SH3D19: variants seen among roughly 807,000 people sequenced by gnomAD.
SH3D19 encodes the protein SH3 domain-containing protein 19.
In SH3D19, 58 loss-of-function variants were observed where a neutral mutation model predicts 112.1. That is an observed-to-expected ratio of 0.52 (90% CI 0.42 to 0.64). The LOEUF (loss-of-function observed/expected upper bound fraction) is 0.64, where lower values mean the gene tolerates loss of function less well. Among genes scored for constraint, SH3D19 ranks in the 30% least tolerant of loss-of-function variants. SH3D19 has a pLI of 0.00. For synonymous variants in SH3D19, 391 were observed against 448.5 expected (o/e 0.87, Z 1.62); for missense variants, 1,090 against 1,263.4 (o/e 0.86, Z 2.08).
rs1554040979 is a variant in SH3D19 at position 151,161,783 on chromosome 4, T to TTA, written c.1643-2432_1643-2431insTA. Reference sequence around the variant, plus strand: ...ATACCTCTTTTTTTTTTTTTTTTTTTAGATGAGGTCTCGCTTTGTCACCCA... The same window carrying TTA: ...ATACCTCTTTTTTTTTTTTTTTTTTTTAAGATGAGGTCTCGCTTTGTCACCCA... On this transcript the variant is annotated intron_variant, in intron 8 of 19. Coordinates refer to ENST00000604030, the MANE Select transcript of SH3D19 (RefSeq NM_001378122.1). 1.7e-3 allele frequency among the ~76,000 whole-genome samples: 234 copies of TTA among 136,952 alleles called. 5 individuals carry two copies. The highest frequency in any genetic ancestry group is 3.7e-3 in the Middle Eastern group (1 of 268). 89.8% of individuals were successfully genotyped at this position (136,952 alleles called of 152,430 possible).
intron 15 of SH3D19, among the ~76,000 whole-genome samples, chr4:151,134,156 G>T (rs1238545680): frequency 6.6e-6 from 1 of 152,202 alleles, no homozygotes; most frequent in African/African-American, 2.4e-5. Flanking sequence ...ATCTGAAATA[G>T]AATTCAACTA....
intron 1 of SH3D19, among the ~76,000 whole-genome samples, chr4:151,317,380 T>G (rs1470454776): frequency 6.6e-6 from 1 of 152,232 alleles, no homozygotes; most frequent in Non-Finnish European, 1.5e-5. Context: ...GCTACAAAGC[T>G]AATTGACAGA....
chr4:151,198,351 A>T (rs1173332911), intron 2 of SH3D19, among the ~76,000 whole-genome samples: 1 of 139,522 alleles, frequency 7.2e-6, no homozygotes, highest in Non-Finnish European at 1.5e-5. Context: ...ATATTATATA[A>T]AATATAAAAT....
intron 1 of SH3D19, among the ~76,000 whole-genome samples, chr4:151,227,050 A>C (rs1435880354): frequency 6.6e-6 from 1 of 152,242 alleles, no homozygotes; most frequent in Non-Finnish European, 1.5e-5. Flanking sequence ...ATATATCCTA[A>C]GCAATGACGT....
intron 1 of SH3D19, among the ~76,000 whole-genome samples, chr4:151,234,639 G>C (rs1249492700): frequency 1.3e-5 from 2 of 151,232 alleles, no homozygotes; most frequent in African/African-American, 4.9e-5. Flanking sequence ...GGTATAAAAA[G>C]ACCTTTTAGT....
At chr4:151,320,746 C>A (rs1484898820) in intron 1 of SH3D19, among the ~76,000 whole-genome samples, 3 of 149,578 alleles carry the variant, frequency 2.0e-5, no homozygotes, top group Non-Finnish European at 4.4e-5. Flanking sequence ...AACAAACAAA[C>A]AAAAAAAACA....
chr4:151,217,185 C>G (rs554936413), intron 2 of SH3D19, among the ~76,000 whole-genome samples: 68 of 152,112 alleles, frequency 4.5e-4, no homozygotes, highest in Non-Finnish European at 9.4e-4. Flanking sequence ...CAGTATTAAA[C>G]TAACCCCAGC....
At chr4:151,313,087 CAA>C (rs571941454) in intron 1 of SH3D19, among the ~76,000 whole-genome samples, 11 of 98,800 alleles carry the variant, frequency 1.1e-4, no homozygotes, top group Admixed American at 5.4e-4. Flanking sequence ...GACTCTGTCT[CAA>C]AAAAAAAAAA....
At chr4:151,305,707 A>G (rs1056444620) in intron 1 of SH3D19, among the ~76,000 whole-genome samples, 86 of 152,158 alleles carry the variant, frequency 5.7e-4, no homozygotes, top group Non-Finnish European at 1.1e-3. Flanking sequence ...AACAATGAGA[A>G]CTCTCATACA....
At chr4:151,201,726 A>G (rs1764408659) in intron 2 of SH3D19, among the ~76,000 whole-genome samples, 2 of 152,142 alleles carry the variant, frequency 1.3e-5, no homozygotes, top group Non-Finnish European at 2.9e-5. Flanking sequence ...AAATAATAAA[A>G]TAGGCCGGGC....
At chr4:151,155,760 G>A (rs925439644) in intron 9 of SH3D19, among the ~76,000 whole-genome samples, 3 of 152,020 alleles carry the variant, frequency 2.0e-5, no homozygotes, top group Admixed American at 6.6e-5. Flanking sequence ...ATGGTGGTGC[G>A]CACCTGTAGT....
intron 1 of SH3D19, among the ~76,000 whole-genome samples, chr4:151,282,913 A>C (rs935130221): frequency 1.3e-5 from 2 of 152,182 alleles, no homozygotes; most frequent in African/African-American, 4.8e-5. Context: ...TTAAAAAAAA[A>C]CCTCAAAGAA....
chr4:151,187,424 T>A lies in SH3D19; in HGVS notation c.192A>T (p.Arg64Ser), dbSNP rs1761971170. The A allele has an allele frequency of 8.1e-7, 1 of 1,227,476 alleles. No homozygotes were observed. The highest frequency in any genetic ancestry group is 4.1e-5 in the South Asian group (1 of 24,222). The allele number at this position is 1,227,476 out of a possible 1,614,324, so 76.0% of individuals were successfully genotyped here. A position where few individuals can be genotyped will look rare whatever the true frequency, so the allele number is the denominator to read the frequency against. ...CAGAGAAGGAAAAAACAAACTTACA[T>A]CTCTTGATTACCGCTCTAATGGATG... ...PLSSIRAVIK[R>S]SSRTSIQSEL... The change falls in exon 3 of 20, where the codon AGA becomes AGT. Residue 64 changes from arginine (R) to serine (S), a missense_variant and splice_region_variant. Physicochemically the swap from Arg to Ser is moderately radical, Grantham distance 110. Coordinates refer to ENST00000604030, the MANE Select transcript of SH3D19 (RefSeq NM_001378122.1).
chr4:151,153,086 G>A (rs1282167209), intron 9 of SH3D19, among the ~76,000 whole-genome samples: 2 of 150,274 alleles, frequency 1.3e-5, no homozygotes, highest in African/African-American at 2.4e-5. Flanking sequence ...CATCCACCTC[G>A]GCCTCCCAAA....
In SH3D19 at chr4:151,121,980, A is replaced by C. The variant is rs1748033193; in HGVS notation, c.*111T>G. The C allele has an allele frequency of 6.0e-6, 4 of 667,868 alleles. No homozygotes were observed. Among genetic ancestry groups the C allele is most frequent in the Non-Finnish European group, 5.3e-6 (2 of 375,538 alleles). The allele number at this position is 667,868 out of a possible 1,614,324, so 41.4% of individuals were successfully genotyped here. On this transcript the variant is annotated 3_prime_UTR_variant, in exon 20 of 20. Transcript: ENST00000604030. ...CAGAAAATTCTAGTGTACCATGTAC[A>C]GCTTAGATATTTCTTTTTCAGTTAA...
chr4:151,176,891 G>A lies in SH3D19; in HGVS notation c.301C>T (p.Pro101Ser), dbSNP rs1760033744. The A allele has an allele frequency of 4.9e-6, 6 of 1,232,196 alleles. No homozygotes were observed. Among genetic ancestry groups the A allele is most frequent in the African/African-American group, 1.5e-5 (1 of 64,558 alleles). The allele number at this position is 1,232,196 out of a possible 1,614,324, so 76.3% of individuals were successfully genotyped here. The change falls in exon 5 of 20, where the codon CCA (proline) becomes TCA (serine). Residue 101 changes from proline (P) to serine (S), a missense_variant. Physicochemically the swap from Pro to Ser is moderately conservative, Grantham distance 74. Coordinates refer to ENST00000604030, the MANE Select transcript of SH3D19 (RefSeq NM_001378122.1). Reference sequence around the variant, plus strand: ...GTAGGAAATCCCAGTCCTGGGGGTGGGGTTCCTGGAAACCACGAGGCTGGC... The same window carrying A: ...GTAGGAAATCCCAGTCCTGGGGGTGAGGTTCCTGGAAACCACGAGGCTGGC... ...LRPASWFPGT[P>S]PPGLGFPTSS...
intron 1 of SH3D19, chr4:151,300,477 T>C (rs1728281811): frequency 6.6e-6 from 1 of 151,882 alleles, no homozygotes; most frequent in Non-Finnish European, 1.5e-5. Flanking sequence ...GAACTAGGAA[T>C]ACTAAAAAAA....
chr4:151,268,313 C>A (rs1207050645), intron 1 of SH3D19, among the ~76,000 whole-genome samples: 1 of 151,990 alleles, frequency 6.6e-6, no homozygotes, highest in Non-Finnish European at 1.5e-5. Flanking sequence ...GTGAATGGAG[C>A]TTGCGGGAAT....
chr4:151,311,363 T>A (rs2126371519), intron 1 of SH3D19, among the ~76,000 whole-genome samples: 1 of 151,846 alleles, frequency 6.6e-6, no homozygotes, highest in South Asian at 2.1e-4. Flanking sequence ...GCCACTGCAC[T>A]CCAGCCTGGG....
Sources: allele counts gnomAD v4.1 joint callset (sites outside exome capture counted in the v4.1 genomes callset), GRCh38; gene constraint gnomAD v4.1.1; transcripts MANE v1.5; gene names NCBI Gene and HGNC (gene_info 2026-07-23, HGNC 2026-07-21).